Variants in UTP11 observed in about 807,000 individuals in gnomAD.
The protein encoded by UTP11 is probable U3 small nucleolar RNA-associated protein 11.
In UTP11, 29 loss-of-function variants were observed where a neutral mutation model predicts 39.0. That is an observed-to-expected ratio of 0.74 (90% CI 0.55 to 1.01). The LOEUF is 1.01. Among genes scored for constraint, UTP11 ranks in the 50% least tolerant of loss-of-function variants. The probability of loss-of-function intolerance (pLI) is 0.00; values close to 1 mark genes in which losing one functional copy is unlikely to be tolerated. For missense variants in UTP11, 281 were observed against 306.0 expected (o/e 0.92, Z 0.61); for synonymous variants, 111 against 105.0 (o/e 1.06, Z -0.35).
At chr1:38,020,983 G>A (rs563284182) in intron 6 of UTP11, among the ~76,000 whole-genome samples, 20 of 151,790 alleles carry the variant, frequency 1.3e-4, no homozygotes, top group Non-Finnish European at 2.2e-4. Flanking sequence ...GTGCGGTGGC[G>A]TGATATCGGC....
At chr1:38,021,000 C>T (rs778754765) in intron 6 of UTP11, among the ~76,000 whole-genome samples, 1 of 151,920 alleles carries the variant, frequency 6.6e-6, no homozygotes, top group Admixed American at 6.6e-5. Context: ...CGGCTCACTG[C>T]AACCTCTGCC....
At chr1:38,018,661 T>C in intron 4 of UTP11, 84 bp downstream of exon 4, 1 of 1,056,348 alleles carries the variant, frequency 9.5e-7, no homozygotes, top group South Asian at 1.5e-5. Flanking sequence ...CATTAATTTC[T>C]TCTGGCATTT....
chr1:38,013,015 G>A (rs965809119), intron 1 of UTP11, 150 bp downstream of exon 1: 2 of 968,990 alleles, frequency 2.1e-6, no homozygotes. Flanking sequence ...TGGCTGGGGC[G>A]GAGCTTCGTG....
chr1:38,022,796 G>T lies in UTP11; in HGVS notation c.665G>T (p.Arg222Leu), dbSNP rs753750380. ...GTTATTGCTCAGAAAATTCAAACACGCAAAGATCTTATGGTGAGGAGAGAG... is the reference window on the plus strand; with the variant it reads ...GTTATTGCTCAGAAAATTCAAACACTCAAAGATCTTATGGTGAGGAGAGAG... ...LFVIAQKIQT[R>L]KDLMDKTQKV... The change falls in exon 7 of 8, where the codon CGC becomes CTC. Residue 222 changes from arginine to leucine, a missense_variant. Coordinates refer to ENST00000373014, the MANE Select transcript of UTP11 (RefSeq NM_016037.4). The T allele has an allele frequency of 2.5e-6, 4 of 1,611,818 alleles. No individual in the cohort carries two copies. The highest frequency in any genetic ancestry group is 1.1e-5 in the South Asian group (1 of 90,962).
rs766456333 is a variant in UTP11, at chr1:38,019,229, C to T, written c.437-24C>T. ...ATTTGGTGTTAGAAACCGACAGTGC[C>T]TTAAGGATTGTCTTGAATTTTAGTT... On this transcript the variant is annotated intron_variant, in intron 5 of 7. Coordinates refer to ENST00000373014, the MANE Select transcript of UTP11 (RefSeq NM_016037.4). 4 of 1,614,040 alleles carry T rather than the reference C, an allele frequency of 2.5e-6. No individual in the cohort carries two copies. The Admixed American group carries it at 5.0e-5, about 20-fold the overall frequency.
Position 38,022,808 on chromosome 1 carries a change from T to C in UTP11, c.677T>C (p.Met226Thr), listed in dbSNP as rs1217945411. Reference sequence around the variant, plus strand: ...AAAATTCAAACACGCAAAGATCTTATGGTGAGGAGAGAGAGCCTTAGGCCT... The same window carrying C: ...AAAATTCAAACACGCAAAGATCTTACGGTGAGGAGAGAGAGCCTTAGGCCT... Reference protein sequence around the residue: ...AQKIQTRKDLMDKTQKVKVKK... With the variant: ...AQKIQTRKDLTDKTQKVKVKK... Residue 226 changes from methionine to threonine, a missense_variant and splice_region_variant, in exon 7 of 8, where the codon ATG becomes ACG. Met to Thr is a moderately conservative substitution (Grantham distance 81). Transcript: ENST00000373014. The C allele has an allele frequency of 1.2e-6, 2 of 1,608,116 alleles. No individual in the cohort carries two copies. Among genetic ancestry groups the C allele is most frequent in the Non-Finnish European group, 8.5e-7 (1 of 1,175,670 alleles).
At chr1:38,016,688 G>A in intron 2 of UTP11, 1 of 390,100 alleles carries the variant, frequency 2.6e-6, no homozygotes, top group East Asian at 5.0e-5. Context: ...CTTTGATTTG[G>A]CTCTGCCTTG....
chr1:38,021,768 C>A (rs1046172382), intron 6 of UTP11, among the ~76,000 whole-genome samples: 1 of 152,088 alleles, frequency 6.6e-6, no homozygotes, highest in Admixed American at 6.6e-5. Context: ...TGGCGGGCAC[C>A]TGTAATCCCA....
At position 38,019,197 on chromosome 1, in the gene UTP11, CTG is replaced by C. The variant is rs770477720; in HGVS notation, c.436+49_436+50del. 1.9e-6 allele frequency: 3 copies of C among 1,613,856 alleles called. No individual in the cohort carries two copies. The Admixed American group carries it at 5.0e-5, about 27-fold the overall frequency. On this transcript the variant is annotated intron_variant, in intron 5 of 7. Coordinates refer to ENST00000373014, the MANE Select transcript of UTP11 (RefSeq NM_016037.4). Reference sequence around the variant, plus strand: ...TTCTGGGACAGTCTACCATGCCAGTCTGTGTCATTTGGTGTTAGAAACCGACA... The same window carrying C: ...TTCTGGGACAGTCTACCATGCCAGTCTGTCATTTGGTGTTAGAAACCGACA...
intron 2 of UTP11, chr1:38,016,628 C>T (rs981747482): frequency 5.5e-6 from 3 of 544,486 alleles, no homozygotes; most frequent in Middle Eastern, 5.0e-4. Context: ...ACTGTAGTTG[C>T]ATTGTGAATT....
At chr1:38,016,105 G>T (rs1211490705) in intron 1 of UTP11, among the ~76,000 whole-genome samples, 2 of 152,232 alleles carry the variant, frequency 1.3e-5, no homozygotes, top group Non-Finnish European at 2.9e-5. Context: ...AGTCATTGTT[G>T]CCTCTCTCTG....
Position 38,018,444 on chromosome 1 carries a change from C to T in UTP11, c.229-20C>T, listed in dbSNP as rs1007934420. 22 of 1,549,134 alleles carry T rather than the reference C, an allele frequency of 1.4e-5. No homozygotes were observed. The highest frequency in any genetic ancestry group is 2.0e-5 in the Non-Finnish European group (22 of 1,126,834). On this transcript the variant is annotated intron_variant, in intron 3 of 7. Transcript: ENST00000373014. ...GATTTTAATCTAATAGGGAATATAT[C>T]TTTTAAATTTGGATTTTAGGATGGA...
At chr1:38,018,673 C>A (rs774968085) in intron 4 of UTP11, 96 bp downstream of exon 4, 9 of 944,142 alleles carry the variant, frequency 9.5e-6, no homozygotes, top group Non-Finnish European at 1.5e-5. Context: ...CTGGCATTTA[C>A]AATCTCACTT....
chr1:38,019,604 C>T (rs1422942296), intron 6 of UTP11, among the ~76,000 whole-genome samples: 4 of 152,096 alleles, frequency 2.6e-5, no homozygotes, highest in African/African-American at 4.8e-5. Context: ...ATGCCTCAGC[C>T]TCCCCAGTAA....
Position 38,022,749 on chromosome 1 carries a change from T to A in UTP11, c.618T>A (p.Ile206=). 6.2e-7 allele frequency: 1 copy of A among 1,614,042 alleles called. No individual in the cohort carries two copies. Among genetic ancestry groups the A allele is most frequent in the Non-Finnish European group, 8.5e-7 (1 of 1,179,948 alleles). ...AGTATAACTGCCTGACACAGCGGAT[T>A]GAACGAGAGAAGAAATTGTTCGTTA... ...QKQYNCLTQR[I]EREKKLFVIA... Residue 206 remains isoleucine, a synonymous_variant, in exon 7 of 8, where the codon ATT becomes ATA. Coordinates refer to ENST00000373014, the MANE Select transcript of UTP11 (RefSeq NM_016037.4).
chr1:38,022,942 G>A (rs1646746863), intron 7 of UTP11, 133 bp downstream of exon 7: 2 of 651,162 alleles, frequency 3.1e-6, no homozygotes, highest in Non-Finnish European at 5.3e-6. Flanking sequence ...CAGGGGCAGT[G>A]GTTTGAGCCA....
intron 3 of UTP11, 33 bp from the exon 4 acceptor site, chr1:38,018,431 A>T (rs1255150084): frequency 6.7e-7 from 1 of 1,491,450 alleles, no homozygotes; most frequent in African/African-American, 1.4e-5. Context: ...TTTTAATCTA[A>T]TAGGGAATAT....
chr1:38,019,735 T>G (rs1646726494), intron 6 of UTP11, among the ~76,000 whole-genome samples: 1 of 152,178 alleles, frequency 6.6e-6, no homozygotes, highest in Admixed American at 6.5e-5. Context: ...CTGCCTGCCT[T>G]GGCCTCCCAA....
At chr1:38,021,600 GA>G (rs963754037) in intron 6 of UTP11, among the ~76,000 whole-genome samples, 1 of 152,134 alleles carries the variant, frequency 6.6e-6, no homozygotes, top group Non-Finnish European at 1.5e-5. Context: ...TTTATCTCAA[GA>G]AACATCCCAT....
Sources: allele counts gnomAD v4.1 joint callset (sites outside exome capture counted in the v4.1 genomes callset), GRCh38; gene constraint gnomAD v4.1.1; transcripts MANE v1.5; gene names NCBI Gene and HGNC (gene_info 2026-07-23, HGNC 2026-07-21).